The following KIZ variants were observed in gnomAD, a reference collection of about 807,000 sequenced individuals.
KIZ encodes kizuna centrosomal protein.
Under a neutral mutation model 79.6 loss-of-function variants are expected in KIZ, and 68 were observed. That is an observed-to-expected ratio of 0.85 (90% CI 0.70 to 1.05). KIZ has a LOEUF of 1.05. Among genes scored for constraint, KIZ ranks in the 50% least tolerant of loss-of-function variants. KIZ has a pLI of 0.00. For missense variants in KIZ, 797 were observed against 800.4 expected (o/e 1.00, Z 0.05); for synonymous variants, 280 against 281.8 (o/e 0.99, Z 0.06).
Position 21,136,420 on chromosome 20 carries a change from T to C in KIZ, c.183T>C (p.Asn61=), listed in dbSNP as rs745964916. 1 of 1,555,198 alleles carries C rather than the reference T, an allele frequency of 6.4e-7. No individual in the cohort carries two copies. The highest frequency in any genetic ancestry group is 1.2e-5 in the South Asian group (1 of 84,666). Residue 61 remains asparagine, a synonymous_variant, in exon 3 of 13, where the codon AAT becomes AAC. Transcript: ENST00000619189. Reference sequence around the variant, plus strand: ...AGCTGAAATATGTAAAACTAAAGAATTATCTGAAGGAAATATGTGAATCTG... The same window carrying C: ...AGCTGAAATATGTAAAACTAAAGAACTATCTGAAGGAAATATGTGAATCTG... The part of the protein sequence containing the change: ...RVKLKYVKLK[N]YLKEICESEK...
At chr20:21,133,463 T>A (rs1473336850) in intron 2 of KIZ, among the ~76,000 whole-genome samples, 4 of 152,224 alleles carry the variant, frequency 2.6e-5, no homozygotes, top group Non-Finnish European at 4.4e-5. Flanking sequence ...AGACGTTTCA[T>A]GCAGTCTGTT....
At chr20:21,170,254 G>A (rs536146137) in intron 6 of KIZ, among the ~76,000 whole-genome samples, 4 of 151,910 alleles carry the variant, frequency 2.6e-5, no homozygotes, top group African/African-American at 7.2e-5. Context: ...TGGTAAATGG[G>A]ATATCCATCT....
chr20:21,162,941 T>A lies in KIZ; in HGVS notation c.1134T>A (p.Leu378=). 6.2e-7 allele frequency: 1 copy of A among 1,613,694 alleles called. No homozygotes were observed. The highest frequency in any genetic ancestry group is 8.5e-7 in the Non-Finnish European group (1 of 1,179,738). Residue 378 remains leucine (L), a synonymous_variant, in exon 6 of 13, where the codon CTT becomes CTA. Transcript: ENST00000619189. Reference sequence around the variant, plus strand: ...AAAGTTGGAGCACCAGCAGTGACCTTACCATTTCAATAAGTGAAGATGATC... The same window carrying A: ...AAAGTTGGAGCACCAGCAGTGACCTAACCATTTCAATAAGTGAAGATGATC... ...EEESWSTSSD[L]TISISEDDLI... is the part of the protein sequence containing the mutation.
Position 21,162,930 on chromosome 20 carries a change from A to G in KIZ, c.1123A>G (p.Ser375Gly), listed in dbSNP as rs370372555. Reference protein sequence around the residue: ...QEEEEESWSTSSDLTISISED... With the variant: ...QEEEEESWSTGSDLTISISED... ...AGAGGAGGAGGAAAGTTGGAGCACC[A>G]GCAGTGACCTTACCATTTCAATAAG... The change falls in exon 6 of 13, where the codon AGC becomes GGC. Residue 375 changes from serine to glycine, a missense_variant. Transcript: ENST00000619189. 6.2e-7 allele frequency: 1 copy of G among 1,613,746 alleles called. No homozygotes were observed. The highest frequency in any genetic ancestry group is 1.6e-4 in the Middle Eastern group (1 of 6,062).
chr20:21,157,316 T>C (rs1428246158), intron 4 of KIZ, among the ~76,000 whole-genome samples: 2 of 152,176 alleles, frequency 1.3e-5, no homozygotes, highest in Non-Finnish European at 2.9e-5. Context: ...TAATTGTTAA[T>C]TTGTTACAGG....
chr20:21,237,179 A>G (rs1042974713), intron 11 of KIZ, among the ~76,000 whole-genome samples: 5 of 149,708 alleles, frequency 3.3e-5, no homozygotes, highest in Non-Finnish European at 4.5e-5. Flanking sequence ...GCAGGCGCCT[A>G]TAATCCCAGC....
chr20:21,229,511 C>A (rs189554223), intron 10 of KIZ, among the ~76,000 whole-genome samples: 73 of 152,288 alleles, frequency 4.8e-4, no homozygotes, highest in Middle Eastern at 3.4e-3. Flanking sequence ...ATTTTGAGTT[C>A]TTTTACTGAA....
chr20:21,215,783 T>G lies in KIZ; in HGVS notation c.1678+135T>G, dbSNP rs950867969. On this transcript the variant is annotated intron_variant, in intron 9 of 12. Transcript: ENST00000619189. ...GCTACTGCATGCTGGAGCAGGAGAT[T>G]AATCCTAAGAGCAGAACATATATAC... The G allele has an allele frequency of 2.9e-5, 16 of 550,846 alleles. No homozygotes were observed. In the Admixed American group the frequency reaches 4.5e-4, roughly 16 times the overall value. 34.1% of individuals were successfully genotyped at this position (550,846 alleles called of 1,614,324 possible). A position where few individuals can be genotyped will look rare whatever the true frequency, so the allele number is the denominator to read the frequency against.
intron 11 of KIZ, among the ~76,000 whole-genome samples, chr20:21,241,500 A>G (rs778318888): frequency 1.4e-3 from 217 of 152,238 alleles, no homozygotes; most frequent in Non-Finnish European, 2.5e-3. Flanking sequence ...TTACACAATT[A>G]ATTCACATTT....
At chr20:21,161,228 C>G (rs2033637924) in intron 4 of KIZ, among the ~76,000 whole-genome samples, 2 of 152,150 alleles carry the variant, frequency 1.3e-5, no homozygotes, top group Non-Finnish European at 2.9e-5. Context: ...ATTTTGGGTA[C>G]TAGACCCTTA....
intron 6 of KIZ, among the ~76,000 whole-genome samples, chr20:21,164,010 G>A (rs2033815886): frequency 6.6e-6 from 1 of 152,182 alleles, no homozygotes; most frequent in African/African-American, 2.4e-5. Context: ...GGGCAGAGTG[G>A]TGTCACGTAG....
At chr20:21,153,399 A>G (rs1191940932) in intron 4 of KIZ, among the ~76,000 whole-genome samples, 1 of 152,174 alleles carries the variant, frequency 6.6e-6, no homozygotes, top group East Asian at 1.9e-4. Flanking sequence ...GATTTTGTGC[A>G]AGATAATTTA....
At chr20:21,156,471 C>T (rs2033386866) in intron 4 of KIZ, among the ~76,000 whole-genome samples, 1 of 152,130 alleles carries the variant, frequency 6.6e-6, no homozygotes, top group Admixed American at 6.5e-5. Flanking sequence ...GCATTCCTGA[C>T]ATGTTTGTGG....
At position 21,229,059 on chromosome 20, in the gene KIZ, C is replaced by A; in HGVS notation, c.1727C>A (p.Thr576Lys). The change falls in exon 10 of 13, where the codon ACA becomes AAA. Residue 576 changes from threonine to lysine, a missense_variant. By Grantham distance (78) the Thr-to-Lys change is moderately conservative. Coordinates refer to ENST00000619189, the MANE Select transcript of KIZ (RefSeq NM_018474.6). ...AAGAAGGCCACCCTTCAGGATAATA[C>A]AAATCAAACTGAAAACAGGTTTCAA... is the stretch of plus-strand genomic sequence containing the variant. ...LLKKATLQDNTNQTENRFQKT... is the reference protein window; with the variant it reads ...LLKKATLQDNKNQTENRFQKT... 1.2e-6 allele frequency: 2 copies of A among 1,612,518 alleles called. No homozygotes were observed. Among genetic ancestry groups the A allele is most frequent in the Non-Finnish European group, 1.7e-6 (2 of 1,178,932 alleles).
chr20:21,214,801 C>G (rs1271943033), intron 8 of KIZ, 101 bp downstream of exon 8: 3 of 678,592 alleles, frequency 4.4e-6, no homozygotes, highest in Non-Finnish European at 7.7e-6. Context: ...TAGTGAATAC[C>G]TCTGATTTTA....
intron 6 of KIZ, chr20:21,198,286 TCTC>T (rs2035440322): frequency 6.6e-6 from 1 of 152,164 alleles, no homozygotes; most frequent in Non-Finnish European, 1.5e-5. Context: ...ATGGTCTCGA[TCTC>T]CTGACCTCGT....
At chr20:21,164,600 C>T (rs1223570834) in intron 6 of KIZ, among the ~76,000 whole-genome samples, 1 of 152,104 alleles carries the variant, frequency 6.6e-6, no homozygotes, top group Non-Finnish European at 1.5e-5. Flanking sequence ...GACTAATACA[C>T]TTACCCAGGA....
At chr20:21,220,579 G>A (rs1430445848) in intron 9 of KIZ, among the ~76,000 whole-genome samples, 2 of 152,112 alleles carry the variant, frequency 1.3e-5, no homozygotes, top group African/African-American at 4.8e-5. Flanking sequence ...TGCCTCCCGG[G>A]TTCAAGCGAT....
At chr20:21,199,156 G>T (rs1034977254) in intron 6 of KIZ, among the ~76,000 whole-genome samples, 2 of 152,144 alleles carry the variant, frequency 1.3e-5, no homozygotes, top group Non-Finnish European at 2.9e-5. Flanking sequence ...CTGTGATTAT[G>T]GGTGATAAGC....
Sources: gnomAD v4.1 joint callset for allele counts (sites outside exome capture counted in the v4.1 genomes callset) on GRCh38, gnomAD v4.1.1 for gene constraint, MANE v1.5 for transcripts, NCBI Gene and HGNC (gene_info 2026-07-23, HGNC 2026-07-21) for gene names.